Variants in TMEM132C observed in about 807,000 individuals in gnomAD.
The protein encoded by TMEM132C is transmembrane protein 132C.
In TMEM132C, 29 loss-of-function variants were observed where a neutral mutation model predicts 61.4. The ratio of observed to expected loss-of-function variants is 0.47; its 90% CI spans 0.35 to 0.64. TMEM132C has a LOEUF of 0.64. Among genes scored for constraint, TMEM132C ranks in the 30% least tolerant of loss-of-function variants. TMEM132C has a pLI of 0.00. For missense variants in TMEM132C, 1,408 were observed against 1,476.9 expected (o/e 0.95, Z 0.76); for synonymous variants, 656 against 633.1 (o/e 1.04, Z -0.54).
chr12:128,269,741 T>G (rs1870448374), intron 1 of TMEM132C, among the ~76,000 whole-genome samples: 1 of 151,994 alleles, frequency 6.6e-6, no homozygotes, highest in Non-Finnish European at 1.5e-5. Context: ...CTCGGATTCC[T>G]CCACACGTAA....
intron 2 of TMEM132C, among the ~76,000 whole-genome samples, chr12:128,526,397 C>A (rs1308548648): frequency 6.6e-6 from 1 of 152,126 alleles, no homozygotes; most frequent in African/African-American, 2.4e-5. Context: ...GTGGATGAGG[C>A]TCCCTTAGTC....
intron 2 of TMEM132C, among the ~76,000 whole-genome samples, chr12:128,456,735 C>T (rs916406833): frequency 2.6e-5 from 4 of 151,990 alleles, no homozygotes; most frequent in South Asian, 2.1e-4. Flanking sequence ...AAAGCATACA[C>T]CCATGTAACC....
rs150718892 is a variant in TMEM132C, at chr12:128,689,579, A to G, written c.1450-4250A>G. 5.5e-3 allele frequency among the ~76,000 whole-genome samples: 834 copies of G among 152,270 alleles called. 15 individuals are homozygous for G. Among genetic ancestry groups the G allele is most frequent in the Admixed American group, 0.046 (698 of 15,290 alleles). On this transcript the variant is annotated intron_variant, in intron 5 of 8. Coordinates refer to ENST00000435159, the MANE Select transcript of TMEM132C (RefSeq NM_001136103.3). ...CAGTGCCCTGAGATGCACAAAAACC[A>G]TACTAGGAGCTTGATTTTTGAACAT...
At chr12:128,669,014 G>C (rs563809386) in intron 4 of TMEM132C, among the ~76,000 whole-genome samples, 1 of 152,190 alleles carries the variant, frequency 6.6e-6, no homozygotes, top group Admixed American at 6.5e-5. Context: ...ATTAGAGCAT[G>C]GATATCTTTT....
chr12:128,533,899 C>T (rs914461957), intron 2 of TMEM132C, among the ~76,000 whole-genome samples: 19 of 151,894 alleles, frequency 1.3e-4, no homozygotes, highest in African/African-American at 4.4e-4. Flanking sequence ...CCCTCCCATC[C>T]GTGCACACAC....
rs189976832 is a variant in TMEM132C at position 128,306,453 on chromosome 12, C to T, written c.85+38966C>T. On this transcript the variant is annotated intron_variant, in intron 1 of 8. Transcript: ENST00000435159. ...TCCTGACCTCGTGATCTGCCCACCT[C>T]GGCCTCCCAAAGTGCTGGGATTACA... 4.5e-3 allele frequency among the ~76,000 whole-genome samples: 681 copies of T among 152,170 alleles called. 7 individuals carry two copies. The highest frequency in any genetic ancestry group is 0.015 in the African/African-American group (643 of 41,502).
chr12:128,660,891 A>G (rs1954381627), intron 4 of TMEM132C, among the ~76,000 whole-genome samples: 1 of 152,248 alleles, frequency 6.6e-6, no homozygotes, highest in African/African-American at 2.4e-5. Context: ...CAGAGAAACA[A>G]GATGAGGAGG....
intron 1 of TMEM132C, among the ~76,000 whole-genome samples, chr12:128,409,425 G>A (rs956860486): frequency 2.6e-5 from 4 of 152,084 alleles, no homozygotes; most frequent in Admixed American, 6.5e-5. Flanking sequence ...GGTCCATGGC[G>A]CACAGCGGGC....
chr12:128,495,707 A>G (rs1187069556), intron 2 of TMEM132C, among the ~76,000 whole-genome samples: 2 of 151,550 alleles, frequency 1.3e-5, no homozygotes, highest in Non-Finnish European at 2.9e-5. Context: ...CCCTCCCTTT[A>G]TTTTGAGCCT....
At chr12:128,620,406 C>G (rs1485918464) in intron 4 of TMEM132C, among the ~76,000 whole-genome samples, 1 of 152,126 alleles carries the variant, frequency 6.6e-6, no homozygotes, top group African/African-American at 2.4e-5. Context: ...CAGGTAGATA[C>G]TTCCTAAGGT....
intron 2 of TMEM132C, among the ~76,000 whole-genome samples, chr12:128,537,084 T>C (rs1275467369): frequency 6.6e-6 from 1 of 152,220 alleles, no homozygotes; most frequent in African/African-American, 2.4e-5. Context: ...CTGAGTTTCA[T>C]GCCCTTTCAT....
intron 3 of TMEM132C, among the ~76,000 whole-genome samples, chr12:128,555,895 G>T (rs1397060739): frequency 6.6e-6 from 1 of 151,810 alleles, no homozygotes; most frequent in Non-Finnish European, 1.5e-5. Flanking sequence ...TTGTTTTTTT[G>T]TGTGTGGAAA....
chr12:128,397,475 G>T (rs118179949), intron 1 of TMEM132C, among the ~76,000 whole-genome samples: 1 of 152,162 alleles, frequency 6.6e-6, no homozygotes, highest in South Asian at 2.1e-4. Flanking sequence ...AGCAGTGAAA[G>T]GTCATACGAG....
chr12:128,595,943 C>T (rs1593113446), intron 3 of TMEM132C, among the ~76,000 whole-genome samples: 1 of 152,352 alleles, frequency 6.6e-6, no homozygotes, highest in Non-Finnish European at 1.5e-5. Flanking sequence ...CCATGCCCAC[C>T]ATGCCGTTAA....
intron 4 of TMEM132C, among the ~76,000 whole-genome samples, chr12:128,629,957 A>G (rs989411999): frequency 1.4e-4 from 20 of 144,012 alleles, no homozygotes; most frequent in African/African-American, 5.1e-4. Flanking sequence ...CAAGAGCAAA[A>G]CTCCGTCTAA....
chr12:128,296,214 C>T lies in TMEM132C; in HGVS notation c.85+28727C>T, dbSNP rs576865886. Among the ~76,000 whole-genome samples the T allele has an allele frequency of 6.6e-5, 10 of 152,320 alleles. No individual in the cohort carries two copies. In the East Asian group the frequency reaches 1.9e-3, roughly 29 times the overall value. On this transcript the variant is annotated intron_variant, in intron 1 of 8. Transcript: ENST00000435159. ...GAGTTTCCCAATCATTGGAGGTTCACGTTTTATAATTAGGATGCTTTGGGC... is the reference window on the plus strand; with the variant it reads ...GAGTTTCCCAATCATTGGAGGTTCATGTTTTATAATTAGGATGCTTTGGGC...
chr12:128,626,858 A>T (rs1229254866), intron 4 of TMEM132C, among the ~76,000 whole-genome samples: 2 of 152,124 alleles, frequency 1.3e-5, no homozygotes, highest in Non-Finnish European at 2.9e-5. Flanking sequence ...CTAGCTAGAG[A>T]TGCCCACGAC....
At chr12:128,675,484 C>G (rs988527654) in intron 5 of TMEM132C, among the ~76,000 whole-genome samples, 2 of 152,188 alleles carry the variant, frequency 1.3e-5, no homozygotes, top group South Asian at 2.1e-4. Context: ...TTTTGCTTAA[C>G]ATTTTACTTT....
At chr12:128,497,847 C>T (rs1872023440) in intron 2 of TMEM132C, among the ~76,000 whole-genome samples, 1 of 152,160 alleles carries the variant, frequency 6.6e-6, no homozygotes, top group Admixed American at 6.5e-5. Context: ...CCCCCAATGT[C>T]TGACAAGCCC....
Sources: gnomAD v4.1 joint callset for allele counts (sites outside exome capture counted in the v4.1 genomes callset) on GRCh38, gnomAD v4.1.1 for gene constraint, MANE v1.5 for transcripts, NCBI Gene and HGNC (gene_info 2026-07-23, HGNC 2026-07-21) for gene names.